Variants in ITPK1 observed in about 807,000 individuals in gnomAD.
ITPK1 encodes the protein inositol-tetrakisphosphate 1-kinase.
A neutral mutation model predicts 45.3 loss-of-function variants in ITPK1; 21 were observed. The ratio of observed to expected loss-of-function variants is 0.46; its 90% CI spans 0.33 to 0.67. ITPK1 has a LOEUF of 0.67. ITPK1 is among the 30% of genes least tolerant of loss of function. The probability of loss-of-function intolerance (pLI) is 0.02; values close to 1 mark genes in which losing one functional copy is unlikely to be tolerated. For missense variants in ITPK1, 474 were observed against 573.5 expected (o/e 0.83, Z 1.77); for synonymous variants, 258 against 253.6 (o/e 1.02, Z -0.16).
chr14:93,022,813 A>T (rs955036386), intron 3 of ITPK1, among the ~76,000 whole-genome samples: 1 of 152,114 alleles, frequency 6.6e-6, no homozygotes, highest in African/African-American at 2.4e-5. Context: ...GGCGTGAGCC[A>T]CTGTGCCTGG....
At chr14:92,970,538 A>G (rs1885594559) in intron 5 of ITPK1, among the ~76,000 whole-genome samples, 2 of 152,196 alleles carry the variant, frequency 1.3e-5, no homozygotes, top group South Asian at 4.1e-4. Flanking sequence ...AGGGGCCCAT[A>G]TTATATGGCA....
intron 5 of ITPK1, among the ~76,000 whole-genome samples, chr14:92,974,552 T>C (rs1885834191): frequency 6.6e-6 from 1 of 152,160 alleles, no homozygotes; most frequent in South Asian, 2.1e-4. Context: ...GATGCATACA[T>C]GTAGGACACA....
chr14:93,003,065 G>C (rs995041981), intron 4 of ITPK1, among the ~76,000 whole-genome samples: 1 of 152,244 alleles, frequency 6.6e-6, no homozygotes, highest in Non-Finnish European at 1.5e-5. Flanking sequence ...AGGGGGAAGA[G>C]CGTGTCAGGG....
At chr14:92,949,566 A>G (rs375392511) in intron 9 of ITPK1, among the ~76,000 whole-genome samples, 174 of 152,350 alleles carry the variant, frequency 1.1e-3, no homozygotes, top group African/African-American at 3.8e-3. Context: ...ACCCTAAGCC[A>G]TAACAGAACC....
At chr14:93,115,607 ACACGCCCTCAGGCGGCGGCAGAAG>A in intron 1 of ITPK1, among the ~76,000 whole-genome samples, 141 bp downstream of exon 1, 1 of 138,444 alleles carries the variant, frequency 7.2e-6, no homozygotes, top group Non-Finnish European at 1.6e-5. Flanking sequence ...GGCCCGAGCC[ACACGCCCTCAGGCGGCGGCAGAAG>A]CGCGGCCTCC....
intron 3 of ITPK1, among the ~76,000 whole-genome samples, chr14:93,028,718 A>G (rs1270826462): frequency 6.6e-6 from 1 of 152,220 alleles, no homozygotes; most frequent in Non-Finnish European, 1.5e-5. Context: ...CCGGAACCTC[A>G]GCAATCACAG....
chr14:93,031,543 G>C (rs1354411374), intron 3 of ITPK1, among the ~76,000 whole-genome samples: 1 of 152,142 alleles, frequency 6.6e-6, no homozygotes, highest in East Asian at 1.9e-4. Context: ...GCGGGCCAGG[G>C]GTCAGGAGCC....
intron 5 of ITPK1, among the ~76,000 whole-genome samples, chr14:92,989,687 C>T (rs550619415): frequency 2.0e-5 from 3 of 152,266 alleles, no homozygotes; most frequent in South Asian, 2.1e-4. Flanking sequence ...CCTCCCTCCC[C>T]GAGGCCTGCA....
At chr14:93,108,049 C>T (rs1892594433) in intron 2 of ITPK1, among the ~76,000 whole-genome samples, 1 of 152,196 alleles carries the variant, frequency 6.6e-6, no homozygotes, top group Non-Finnish European at 1.5e-5. Context: ...TCCCCTCCCA[C>T]ATTTCCACTG....
intron 8 of ITPK1, among the ~76,000 whole-genome samples, chr14:92,954,934 C>T (rs1056922341): frequency 2.0e-5 from 3 of 152,236 alleles, no homozygotes; most frequent in African/African-American, 7.2e-5. Context: ...CCCCTTATCT[C>T]AGGCCACAGT....
chr14:93,006,608 G>A (rs377527820), intron 4 of ITPK1, among the ~76,000 whole-genome samples: 1 of 152,210 alleles, frequency 6.6e-6, no homozygotes, highest in Non-Finnish European at 1.5e-5. Flanking sequence ...GGGCTACTGA[G>A]GCATTACAGT....
At chr14:92,975,985 C>T (rs1885920111) in intron 5 of ITPK1, among the ~76,000 whole-genome samples, 1 of 152,214 alleles carries the variant, frequency 6.6e-6, no homozygotes, top group African/African-American at 2.4e-5. Context: ...CTTCATTCTG[C>T]ACTTCTCCTT....
At chr14:93,051,106 G>A (rs988057332) in intron 3 of ITPK1, among the ~76,000 whole-genome samples, 1 of 152,080 alleles carries the variant, frequency 6.6e-6, no homozygotes, top group Admixed American at 6.6e-5. Context: ...AAACGGTGAT[G>A]GCCACACTCC....
intron 4 of ITPK1, among the ~76,000 whole-genome samples, chr14:92,995,271 T>C (rs1459495435): frequency 2.0e-5 from 3 of 152,190 alleles, no homozygotes; most frequent in African/African-American, 7.2e-5. Context: ...CCAGCCCCCC[T>C]GCCCTCTGCT....
intron 2 of ITPK1, among the ~76,000 whole-genome samples, chr14:93,100,531 G>A (rs1892267008): frequency 6.6e-6 from 1 of 150,906 alleles, no homozygotes; most frequent in African/African-American, 2.4e-5. Context: ...CGGGGGGAGA[G>A]AGGAGGGAGA....
chr14:93,052,517 C>T (rs1365039127), intron 3 of ITPK1, among the ~76,000 whole-genome samples: 1 of 152,152 alleles, frequency 6.6e-6, no homozygotes, highest in Non-Finnish European at 1.5e-5. Flanking sequence ...CTGGGTTGTT[C>T]TTACCCTGGG....
chr14:92,938,602 G>T lies in ITPK1; in HGVS notation c.*2959C>A. On this transcript the variant is annotated 3_prime_UTR_variant, in exon 11 of 11. Coordinates refer to ENST00000267615, the MANE Select transcript of ITPK1 (RefSeq NM_014216.6). ...AGGCATGAGACACAGGCAGGCCCAG[G>T]CACAGGAAGCCCCATGGAACCTGCC... The T allele has an allele frequency of 2.4e-6, 3 of 1,239,072 alleles. No homozygotes were observed. Among genetic ancestry groups the T allele is most frequent in the Non-Finnish European group, 3.5e-6 (3 of 848,948 alleles). The allele number at this position is 1,239,072 out of a possible 1,614,324, so 76.8% of individuals were successfully genotyped here. A position where few individuals can be genotyped will look rare whatever the true frequency, so the allele number is the denominator to read the frequency against.
chr14:92,969,871 C>T (rs1045746711), intron 5 of ITPK1, among the ~76,000 whole-genome samples: 44 of 152,090 alleles, frequency 2.9e-4, no homozygotes, highest in African/African-American at 1.4e-4. Context: ...CCCTGGGAAA[C>T]GGAAATGCTC....
At chr14:93,098,253 G>A (rs945707116) in intron 2 of ITPK1, among the ~76,000 whole-genome samples, 10 of 151,868 alleles carry the variant, frequency 6.6e-5, no homozygotes, top group African/African-American at 1.9e-4. Context: ...TCAGGAGATC[G>A]AGACCATCCT....
Sources: gnomAD v4.1 joint callset for allele counts (sites outside exome capture counted in the v4.1 genomes callset) on GRCh38, gnomAD v4.1.1 for gene constraint, MANE v1.5 for transcripts, NCBI Gene and HGNC (gene_info 2026-07-23, HGNC 2026-07-21) for gene names.